MALRD1: variants seen among roughly 807,000 people sequenced by gnomAD.
The protein encoded by MALRD1 is MAM and LDL receptor class A domain containing 1, also known as MAM and LDL-receptor class A domain-containing protein 1.
MALRD1 carries 247 observed loss-of-function variants against 242.1 expected under a neutral mutation model. The ratio of observed to expected loss-of-function variants is 1.02; its 90% CI spans 0.92 to 1.13. The LOEUF is 1.13. Among genes scored for constraint, MALRD1 ranks in the 50% most tolerant of loss-of-function variants. The pLI, the probability that MALRD1 is intolerant of heterozygous loss-of-function variation, is 0.00. For missense variants in MALRD1, 2,989 were observed against 2,533.1 expected (o/e 1.18, Z -3.86); for synonymous variants, 995 against 866.6 (o/e 1.15, Z -2.60).
chr10:19,242,967 A>C lies in MALRD1; in HGVS notation c.2992-14717A>C, dbSNP rs567530471. 6.6e-5 allele frequency among the ~76,000 whole-genome samples: 10 copies of C among 151,386 alleles called. No individual in the cohort carries two copies. In the East Asian group the frequency reaches 1.7e-3, roughly 26 times the overall value. On this transcript the variant is annotated intron_variant, in intron 18 of 39. Transcript: ENST00000454679. Reference sequence around the variant, plus strand: ...TAGGACTTCCTTCTACCATTTCATTAGTTGTTTTTTAGATTACTTGTTCAC... The same window carrying C: ...TAGGACTTCCTTCTACCATTTCATTCGTTGTTTTTTAGATTACTTGTTCAC...
intron 35 of MALRD1, among the ~76,000 whole-genome samples, chr10:19,613,328 C>T (rs1447165586): frequency 6.6e-6 from 1 of 151,964 alleles, no homozygotes; most frequent in African/African-American, 2.4e-5. Context: ...ACTTCTACTT[C>T]GATGCCCCTT....
At chr10:19,602,211 T>TTA (rs1838384494) in intron 34 of MALRD1, among the ~76,000 whole-genome samples, 1 of 150,302 alleles carries the variant, frequency 6.7e-6, no homozygotes, top group Admixed American at 6.6e-5. Context: ...TTTTTTTTTT[T>TTA]ATACTTTAAG....
intron 18 of MALRD1, among the ~76,000 whole-genome samples, chr10:19,228,054 T>C (rs1459469440): frequency 1.3e-5 from 2 of 152,150 alleles, no homozygotes; most frequent in Non-Finnish European, 2.9e-5. Flanking sequence ...GAAGTTTCTT[T>C]TAATGTTAAA....
At chr10:19,485,292 A>G (rs907684004) in intron 29 of MALRD1, among the ~76,000 whole-genome samples, 1 of 152,208 alleles carries the variant, frequency 6.6e-6, no homozygotes, top group Non-Finnish European at 1.5e-5. Flanking sequence ...TGTACAATTC[A>G]TCATATAACC....
At chr10:19,664,327 A>G (rs1037288205) in intron 36 of MALRD1, among the ~76,000 whole-genome samples, 6 of 152,042 alleles carry the variant, frequency 3.9e-5, no homozygotes, top group Non-Finnish European at 7.4e-5. Flanking sequence ...CTTTCTTGTG[A>G]CAGTGGTTTC....
At chr10:19,439,698 G>A (rs932822624) in intron 28 of MALRD1, among the ~76,000 whole-genome samples, 15 of 152,050 alleles carry the variant, frequency 9.9e-5, no homozygotes, top group African/African-American at 3.6e-4. Context: ...TGTATTTAGT[G>A]TGTGTATATA....
intron 36 of MALRD1, among the ~76,000 whole-genome samples, chr10:19,669,885 CAAT>C (rs1179292155): frequency 4.6e-5 from 7 of 151,872 alleles, no homozygotes; most frequent in Admixed American, 2.0e-4. Flanking sequence ...TTGGTTATAA[CAAT>C]AAAATAAAGA....
At chr10:19,608,779 T>G (rs1838752549) in intron 35 of MALRD1, among the ~76,000 whole-genome samples, 1 of 152,032 alleles carries the variant, frequency 6.6e-6, no homozygotes, top group Non-Finnish European at 1.5e-5. Flanking sequence ...CTGCTAGAAG[T>G]GAGTACTCAC....
chr10:19,249,407 C>A (rs574691277), intron 18 of MALRD1, among the ~76,000 whole-genome samples: 3 of 151,510 alleles, frequency 2.0e-5, no homozygotes, highest in African/African-American at 7.2e-5. Flanking sequence ...GTATCTTTGG[C>A]ACATGTTTTT....
At chr10:19,267,719 A>C (rs903663032) in intron 19 of MALRD1, among the ~76,000 whole-genome samples, 2 of 152,126 alleles carry the variant, frequency 1.3e-5, no homozygotes, top group African/African-American at 4.8e-5. Context: ...GTGTTTTGAA[A>C]TATGCCTTTC....
At chr10:19,351,976 C>T (rs765712796) in intron 25 of MALRD1, 30 bp from the exon 26 acceptor site, 27 of 1,459,194 alleles carry the variant, frequency 1.9e-5, no homozygotes, top group South Asian at 3.7e-5. Flanking sequence ...CTAATCATAT[C>T]GTATGTAATA....
rs201359837 is a variant in MALRD1, at chr10:19,595,405, G to T, written c.5892G>T (p.Leu1964=). ...CSTDECIPSL[L]LCDGVPDCHF... Reference sequence around the variant, plus strand: ...CAGACGAGTGTATACCTTCCCTCCTGCTATGCGATGGAGTGCCCGACTGCC... The same window carrying T: ...CAGACGAGTGTATACCTTCCCTCCTTCTATGCGATGGAGTGCCCGACTGCC... The change falls in exon 34 of 40, where the codon CTG becomes CTT. Residue 1964 remains leucine, a synonymous_variant. Coordinates refer to ENST00000454679, the MANE Select transcript of MALRD1 (RefSeq NM_001142308.3). The T allele has an allele frequency of 1.3e-6, 2 of 1,550,164 alleles. No homozygotes were observed. The highest frequency in any genetic ancestry group is 3.9e-5 in the Admixed American group (2 of 50,956).
intron 33 of MALRD1, among the ~76,000 whole-genome samples, chr10:19,576,898 T>C (rs1836855277): frequency 6.6e-6 from 1 of 151,980 alleles, no homozygotes; most frequent in African/African-American, 2.4e-5. Flanking sequence ...TTATAAGGTA[T>C]TGTTGATATC....
intron 31 of MALRD1, among the ~76,000 whole-genome samples, chr10:19,526,365 A>ATAC (rs10695324): frequency 0.079 from 11,775 of 148,770 alleles, 453 homozygotes; most frequent in East Asian, 0.11. Context: ...CCAAAAAAAA[A>ATAC]ATACATATAT....
At chr10:19,175,482 A>T (rs1364899971) in intron 14 of MALRD1, among the ~76,000 whole-genome samples, 154 bp downstream of exon 14, 7 of 149,080 alleles carry the variant, frequency 4.7e-5, no homozygotes, top group African/African-American at 1.5e-4. Context: ...ATATATATAT[A>T]TTTTAAAAGG....
intron 30 of MALRD1, among the ~76,000 whole-genome samples, chr10:19,495,257 A>G (rs1318675220): frequency 2.0e-5 from 3 of 152,026 alleles, no homozygotes; most frequent in African/African-American, 4.8e-5. Context: ...GATTACAGGT[A>G]TGAGCCACCA....
intron 33 of MALRD1, among the ~76,000 whole-genome samples, chr10:19,570,611 G>A (rs61841423): frequency 0.068 from 10,386 of 152,032 alleles, 376 homozygotes; most frequent in South Asian, 0.099. Context: ...TAGCCAATAT[G>A]CGTAATATAT....
chr10:19,125,914 AG>A (rs1009269638), intron 7 of MALRD1, among the ~76,000 whole-genome samples: 6 of 152,020 alleles, frequency 3.9e-5, no homozygotes, highest in African/African-American at 7.2e-5. Flanking sequence ...CCCCTTGCAA[AG>A]GTTGACTCTT....
intron 31 of MALRD1, among the ~76,000 whole-genome samples, chr10:19,506,495 G>A (rs1833150626): frequency 6.6e-6 from 1 of 152,050 alleles, no homozygotes. Context: ...CATTGATTTG[G>A]AAGTGAGCAT....
Sources: gnomAD v4.1 joint callset for allele counts (sites outside exome capture counted in the v4.1 genomes callset) on GRCh38, gnomAD v4.1.1 for gene constraint, MANE v1.5 for transcripts, NCBI Gene and HGNC (gene_info 2026-07-23, HGNC 2026-07-21) for gene names.